NRG1: variants seen among roughly 807,000 people sequenced by gnomAD.
The protein encoded by NRG1 is neuregulin 1.
In NRG1, 18 loss-of-function variants were observed where a neutral mutation model predicts 63.8. The ratio of observed to expected loss-of-function variants is 0.28; its 90% CI spans 0.19 to 0.42. The LOEUF (loss-of-function observed/expected upper bound fraction) is 0.42, where lower values mean the gene tolerates loss of function less well. Among genes scored for constraint, NRG1 ranks in the 10% least tolerant of loss-of-function variants. NRG1 has a pLI of 1.00. For synonymous variants in NRG1, 302 were observed against 301.3 expected (o/e 1.00, Z -0.02); for missense variants, 762 against 814.7 (o/e 0.94, Z 0.79).
At chr8:32,299,042 A>G (rs1347667193) in intron 1 of NRG1, among the ~76,000 whole-genome samples, 3 of 150,902 alleles carry the variant, frequency 2.0e-5, no homozygotes, top group Admixed American at 2.0e-4. Context: ...AAAAAAAAAA[A>G]AAAAAAGAAA....
intron 1 of NRG1, among the ~76,000 whole-genome samples, chr8:32,362,501 A>C (rs969798652): frequency 1.1e-4 from 17 of 152,346 alleles, no homozygotes; most frequent in Middle Eastern, 3.4e-3. Context: ...CTATTTTATT[A>C]CAATGGTATC....
At chr8:31,990,273 G>T (rs776209377) in intron 1 of NRG1, among the ~76,000 whole-genome samples, 3 of 152,012 alleles carry the variant, frequency 2.0e-5, no homozygotes, top group Non-Finnish European at 4.4e-5. Flanking sequence ...AAGCTAAGTT[G>T]CATTTGAATT....
rs1818919260 is a variant in NRG1 at position 32,437,314 on chromosome 8, GTTTGTTT to G, written c.38-158511_38-158505del. On this transcript the variant is annotated intron_variant, in intron 1 of 10. Transcript: ENST00000519301. ...GCCTCCTTTAGTGTTTTTTTTGTTT[GTTTGTTT>G]TTGTTTGTTTGTTTGTTTTTGTCAT... Among the ~76,000 whole-genome samples, 5 of 151,718 alleles carry G rather than the reference GTTTGTTT, an allele frequency of 3.3e-5. No individual in the cohort carries two copies. The South Asian group carries it at 1.0e-3, about 32-fold the overall frequency.
rs546633559 is a variant in NRG1, at chr8:31,805,760, G to A, written c.37+166329G>A. 1.1e-4 allele frequency among the ~76,000 whole-genome samples: 17 copies of A among 149,554 alleles called. No homozygotes were observed. The South Asian group carries it at 3.0e-3, about 26-fold the overall frequency. ...GGAGAATGGCATGAACCCTGGAGGC[G>A]GAGCTTGCAGTGAGCCGAGATTGCG... On this transcript the variant is annotated intron_variant, in intron 1 of 10. Coordinates refer to the NRG1 transcript ENST00000519301.
intron 1 of NRG1, among the ~76,000 whole-genome samples, chr8:32,357,186 G>A (rs961185643): frequency 1.3e-5 from 2 of 152,152 alleles, no homozygotes; most frequent in African/African-American, 4.8e-5. Flanking sequence ...GCTCATTAAC[G>A]AAGCCACAGG....
intron 1 of NRG1, among the ~76,000 whole-genome samples, chr8:32,032,625 G>A (rs761861767): frequency 6.6e-6 from 1 of 152,230 alleles, no homozygotes; most frequent in Non-Finnish European, 1.5e-5. Context: ...TGTATTGTTA[G>A]TTTTTTTCTT....
intron 1 of NRG1, among the ~76,000 whole-genome samples, chr8:32,178,291 A>G (rs1049067020): frequency 2.0e-5 from 3 of 152,158 alleles, no homozygotes; most frequent in African/African-American, 4.8e-5. Context: ...GTCAAGGACA[A>G]CTTAGGTAAA....
intron 1 of NRG1, among the ~76,000 whole-genome samples, chr8:32,352,598 T>C (rs1159361099): frequency 6.6e-6 from 1 of 152,110 alleles, no homozygotes; most frequent in Non-Finnish European, 1.5e-5. Context: ...ACTGTAAAGA[T>C]GGCCAGGTGT....
At chr8:31,686,774 G>T (rs1168832533) in intron 1 of NRG1, among the ~76,000 whole-genome samples, 2 of 151,710 alleles carry the variant, frequency 1.3e-5, no homozygotes, top group Non-Finnish European at 2.9e-5. Flanking sequence ...TTTTGTTTTT[G>T]TTTTTGTTTT....
intron 1 of NRG1, among the ~76,000 whole-genome samples, chr8:32,154,456 C>T (rs1837843722): frequency 6.6e-6 from 1 of 151,998 alleles, no homozygotes; most frequent in Admixed American, 6.6e-5. Context: ...CCTGGCACCC[C>T]CCAGCACTCC....
chr8:32,409,463 A>C (rs1308637549), intron 1 of NRG1, among the ~76,000 whole-genome samples: 1 of 152,254 alleles, frequency 6.6e-6, no homozygotes, highest in Non-Finnish European at 1.5e-5. Context: ...CAACAAAGTT[A>C]ACACTCAACA....
rs547590049 is a variant in NRG1, at chr8:31,689,415, T to C, written c.37+49984T>C. ...TAAACAATTATAATTTAGTACATTA[T>C]TATTCTTTAATTTCTATAGTATTTA... On this transcript the variant is annotated intron_variant, in intron 1 of 10. Transcript: ENST00000519301. Among the ~76,000 whole-genome samples, 42 of 152,342 alleles carry C rather than the reference T, an allele frequency of 2.8e-4. No homozygotes were observed. In the South Asian group the frequency reaches 8.7e-3, roughly 32 times the overall value.
intron 1 of NRG1, among the ~76,000 whole-genome samples, chr8:31,681,659 A>C (rs1808350829): frequency 1.3e-5 from 2 of 150,308 alleles, no homozygotes; most frequent in South Asian, 4.2e-4. Context: ...CAATGTATAG[A>C]CTCTGGAGAG....
rs186274937 is a variant in NRG1, at chr8:31,783,065, A to G, written c.37+143634A>G. Among the ~76,000 whole-genome samples the G allele has an allele frequency of 3.0e-4, 45 of 152,298 alleles. No individual in the cohort carries two copies. In the East Asian group the frequency reaches 7.7e-3, roughly 26 times the overall value. ...CAGAGCTTTCAACTGTTAACTATGC[A>G]TGGTTGTTCTGTATGCAGACATAAA... On this transcript the variant is annotated intron_variant, in intron 1 of 10. Transcript: ENST00000519301.
rs541087082 is a variant in NRG1 at position 32,686,811 on chromosome 8, A to C, written c.503-41138A>C. 2.0e-5 allele frequency among the ~76,000 whole-genome samples: 3 copies of C among 152,330 alleles called. No individual in the cohort carries two copies. The South Asian group carries it at 6.2e-4, about 32-fold the overall frequency. On this transcript the variant is annotated intron_variant, in intron 5 of 11. Coordinates refer to ENST00000356819, the Ensembl canonical transcript of NRG1. ...GTCAGTGATGACTCACAGGAGGTGG[A>C]GAAAAGTGTGCTCAATGTATGGGCC...
chr8:32,714,591 T>C (rs1190565396), intron 5 of NRG1, among the ~76,000 whole-genome samples: 1 of 151,804 alleles, frequency 6.6e-6, no homozygotes, highest in African/African-American at 2.4e-5. Context: ...ATAAAAGGAG[T>C]GATGAGATAT....
intron 1 of NRG1, among the ~76,000 whole-genome samples, chr8:32,050,781 G>A (rs1483203482): frequency 6.6e-6 from 1 of 152,186 alleles, no homozygotes. Flanking sequence ...GGGGAATTTG[G>A]TATGAAGGAA....
chr8:32,349,747 TG>T (rs1250118689), intron 1 of NRG1, among the ~76,000 whole-genome samples: 1 of 152,012 alleles, frequency 6.6e-6, no homozygotes, highest in Non-Finnish European at 1.5e-5. Context: ...AAATTAGTGG[TG>T]TTTTCTGATT....
At chr8:32,081,335 C>T (rs1827433834) in intron 1 of NRG1, among the ~76,000 whole-genome samples, 1 of 152,054 alleles carries the variant, frequency 6.6e-6, no homozygotes, top group Non-Finnish European at 1.5e-5. Context: ...ATGGAGGTAG[C>T]CCTAGAATTT....
Sources: gnomAD v4.1 joint callset for allele counts (sites outside exome capture counted in the v4.1 genomes callset) on GRCh38, gnomAD v4.1.1 for gene constraint, MANE v1.5 for transcripts, NCBI Gene and HGNC (gene_info 2026-07-23, HGNC 2026-07-21) for gene names.